KCNQ1: variants seen among roughly 807,000 people sequenced by gnomAD.
The protein encoded by KCNQ1 is potassium voltage-gated channel subfamily KQT member 1.
In KCNQ1, 49 loss-of-function variants were observed where a neutral mutation model predicts 72.4. The ratio of observed to expected loss-of-function variants is 0.68; its 90% confidence interval spans 0.54 to 0.86. The LOEUF (loss-of-function observed/expected upper bound fraction) is 0.86. Among genes scored for constraint, KCNQ1 ranks in the 40% least tolerant of loss-of-function variants. KCNQ1 has a pLI of 0.00. For missense variants in KCNQ1, 790 were observed against 945.1 expected (o/e 0.84, Z 2.15); for synonymous variants, 450 against 412.6 (o/e 1.09, Z -1.10).
chr11:2,487,008 C>T (rs889405402), intron 1 of KCNQ1, among the ~76,000 whole-genome samples: 2 of 152,158 alleles, frequency 1.3e-5, no homozygotes, highest in East Asian at 1.9e-4. Context: ...TATAGTTTTA[C>T]GTTGCACATT....
chr11:2,555,567 G>T (rs1848058221), intron 2 of KCNQ1, among the ~76,000 whole-genome samples: 1 of 152,254 alleles, frequency 6.6e-6, no homozygotes. Context: ...AGGGCAGCCG[G>T]CTTGGGCCAC....
chr11:2,653,894 G>A lies in KCNQ1; in HGVS notation c.1394-8067G>A. On this transcript the variant is annotated intron_variant, in intron 10 of 15. Coordinates refer to ENST00000155840, the MANE Select transcript of KCNQ1 (RefSeq NM_000218.3). This position sits in a 1 kb window ranked among gnomAD's most constrained non-coding sequence, Gnocchi z 5.3. ...GAGTGGGAAAGGAAGAGCCCCCTAA[G>A]GAAGATTTGAGAAGCTGTTCCCAGA... 1 of 398,684 alleles carries A rather than the reference G, an allele frequency of 2.5e-6. No individual in the cohort carries two copies. Among genetic ancestry groups the A allele is most frequent in the Non-Finnish European group, 4.4e-6 (1 of 226,112 alleles). The allele number at this position is 398,684 out of a possible 1,614,324, so 24.7% of individuals were successfully genotyped here.
rs187964664 is a variant in KCNQ1 at position 2,475,120 on chromosome 11, A to G, written c.386+29636A>G. On this transcript the variant is annotated intron_variant, in intron 1 of 15. Transcript: ENST00000155840. This position sits in a 1 kb window ranked among gnomAD's most constrained non-coding sequence, Gnocchi z 5.8. The stretch of plus-strand genomic sequence containing the variant: ...TTCCTGAACATTTCCATCATCCGCA[A>G]GAGGAAATTAGCAGTCACCCCTTTC... 3.9e-5 allele frequency among the ~76,000 whole-genome samples: 6 copies of G among 152,248 alleles called. No homozygotes were observed. Among genetic ancestry groups the G allele is most frequent in the Admixed American group, 2.6e-4 (4 of 15,298 alleles).
chr11:2,643,668 AG>A, intron 10 of KCNQ1: 3 of 398,490 alleles, frequency 7.5e-6, no homozygotes, highest in Non-Finnish European at 1.3e-5. Flanking sequence ...TTGATATGTG[AG>A]GGCTTATTCC....
intron 6 of KCNQ1, among the ~76,000 whole-genome samples, chr11:2,582,751 C>T (rs752622868): frequency 3.3e-5 from 5 of 152,256 alleles, no homozygotes; most frequent in East Asian, 3.9e-4. Flanking sequence ...GCAGCCTGCA[C>T]GGACCAGGCC....
At chr11:2,751,525 G>C (rs1009274831) in intron 11 of KCNQ1, among the ~76,000 whole-genome samples, 1 of 152,262 alleles carries the variant, frequency 6.6e-6, no homozygotes, top group Non-Finnish European at 1.5e-5. Flanking sequence ...GGACAGTGCA[G>C]CTCCGAAATG....
chr11:2,647,037 T>A lies in KCNQ1; in HGVS notation c.1394-14924T>A. 2.5e-6 allele frequency: 1 copy of A among 398,630 alleles called. No individual in the cohort carries two copies. Among genetic ancestry groups the A allele is most frequent in the East Asian group, 3.6e-5 (1 of 28,076 alleles). 24.7% of individuals were successfully genotyped at this position (398,630 alleles called of 1,614,324 possible). On this transcript the variant is annotated intron_variant, in intron 10 of 15. Transcript: ENST00000155840. This position sits in a 1 kb window ranked among gnomAD's most constrained non-coding sequence, Gnocchi z 4.0. Reference sequence around the variant, plus strand: ...TTCTTACTCTGCTGAATAAGAATAGTGAAAGTGGGCATCCTTGTCTTGTTC... The same window carrying A: ...TTCTTACTCTGCTGAATAAGAATAGAGAAAGTGGGCATCCTTGTCTTGTTC...
chr11:2,630,593 T>C (rs1849337081), intron 10 of KCNQ1: 2 of 398,370 alleles, frequency 5.0e-6, no homozygotes, highest in South Asian at 1.3e-4. Flanking sequence ...TTTTAACCTT[T>C]ATACTAGAGT....
intron 11 of KCNQ1, among the ~76,000 whole-genome samples, chr11:2,706,259 C>G (rs1462193962): frequency 1.3e-5 from 2 of 152,246 alleles, no homozygotes; most frequent in African/African-American, 4.8e-5. Context: ...CTTGCAGCCT[C>G]CCTGCCCTCT....
At chr11:2,522,733 C>T (rs1287722158) in intron 1 of KCNQ1, among the ~76,000 whole-genome samples, 2 of 152,262 alleles carry the variant, frequency 1.3e-5, no homozygotes, top group Admixed American at 1.3e-4. Context: ...TCCCCACCAT[C>T]TGCCTGGCCT....
Position 2,621,663 on chromosome 11 carries a change from T to A in KCNQ1, c.1393+32809T>A. The A allele has an allele frequency of 2.5e-6, 1 of 398,526 alleles. No individual in the cohort carries two copies. Among genetic ancestry groups the A allele is most frequent in the Non-Finnish European group, 4.4e-6 (1 of 226,020 alleles). The allele number at this position is 398,526 out of a possible 1,614,324, so 24.7% of individuals were successfully genotyped here. A position where few individuals can be genotyped will look rare whatever the true frequency, so the allele number is the denominator to read the frequency against. ...CATTTCCTCTAGGTTATCCAATTTG[T>A]TGGGATATAATTGTTCATAAAAGTC... On this transcript the variant is annotated intron_variant, in intron 10 of 15. Coordinates refer to ENST00000155840, the MANE Select transcript of KCNQ1 (RefSeq NM_000218.3). The surrounding 1 kb of genome is among the most constrained non-coding windows in gnomAD (Gnocchi z 5.7).
At chr11:2,633,888 T>C in intron 10 of KCNQ1, 1 of 398,628 alleles carries the variant, frequency 2.5e-6, no homozygotes, top group Non-Finnish European at 4.4e-6. Flanking sequence ...TCTGTATACA[T>C]AGTTTTCACT....
At chr11:2,622,696 A>ATGTGTG in intron 10 of KCNQ1, 1 of 398,332 alleles carries the variant, frequency 2.5e-6, no homozygotes. Context: ...GATTGTCTGT[A>ATGTGTG]TGTGTGTATG....
chr11:2,461,340 T>A, intron 1 of KCNQ1: 1 of 1,067,294 alleles, frequency 9.4e-7, no homozygotes, highest in Non-Finnish European at 1.2e-6. Flanking sequence ...CTGTCGTTCC[T>A]GAAATAGCCT....
chr11:2,719,419 T>C (rs575024816), intron 11 of KCNQ1, among the ~76,000 whole-genome samples: 1 of 150,306 alleles, frequency 6.7e-6, no homozygotes, highest in South Asian at 2.1e-4. Flanking sequence ...CGCCTGAGCC[T>C]GGGAGGTCAA....
At position 2,668,310 on chromosome 11, in the gene KCNQ1, G is replaced by A; in HGVS notation, c.1514+6229G>A. 2.5e-6 allele frequency: 1 copy of A among 398,516 alleles called. No homozygotes were observed. The highest frequency in any genetic ancestry group is 4.4e-6 in the Non-Finnish European group (1 of 226,060). The allele number at this position is 398,516 out of a possible 1,614,324, so 24.7% of individuals were successfully genotyped here. On this transcript the variant is annotated intron_variant, in intron 11 of 15. Transcript: ENST00000155840. The surrounding 1 kb of genome is among the most constrained non-coding windows in gnomAD (Gnocchi z 4.3). ...GGTGAGCATCAGGTTGCGTTTCTGG[G>A]GAATATATGCCTATGTGTGGAGCTG...
chr11:2,521,857 C>A (rs1255476104), intron 1 of KCNQ1, among the ~76,000 whole-genome samples: 1 of 152,234 alleles, frequency 6.6e-6, no homozygotes, highest in East Asian at 1.9e-4. Context: ...TTTAGGAGCA[C>A]CACTCAGGGG....
intron 1 of KCNQ1, among the ~76,000 whole-genome samples, chr11:2,485,389 C>G (rs1356624009): frequency 2.5e-5 from 3 of 118,850 alleles, no homozygotes; most frequent in African/African-American, 9.9e-5. Context: ...CTGGACAAAA[C>G]CAGCTCTTCA....
Position 2,848,137 on chromosome 11 carries a change from C to G in KCNQ1, c.*134C>G, listed in dbSNP as rs1590130712. 6 of 787,466 alleles carry G rather than the reference C, an allele frequency of 7.6e-6. No individual in the cohort carries two copies. Among genetic ancestry groups the G allele is most frequent in the Non-Finnish European group, 1.3e-5 (6 of 466,844 alleles). The allele number at this position is 787,466 out of a possible 1,614,324, so 48.8% of individuals were successfully genotyped here. Reference sequence around the variant, plus strand: ...CCCCACTCTCAGAGGCCCCAATACCCCATGGACCATGCTGTCTGGCACAGC... The same window carrying G: ...CCCCACTCTCAGAGGCCCCAATACCGCATGGACCATGCTGTCTGGCACAGC... On this transcript the variant is annotated 3_prime_UTR_variant, in exon 16 of 16. Transcript: ENST00000155840.
Sources: gnomAD v4.1 joint callset for allele counts (sites outside exome capture counted in the v4.1 genomes callset) on GRCh38, gnomAD v4.1.1 for gene constraint, Gnocchi (gnomAD v3.1) non-coding constraint, MANE v1.5 for transcripts, NCBI Gene and HGNC (gene_info 2026-07-23, HGNC 2026-07-21) for gene names.